The following DGCR2 variants were observed in gnomAD, a reference collection of about 807,000 sequenced individuals.
DGCR2 encodes the protein integral membrane protein DGCR2/IDD.
In DGCR2, 24 loss-of-function variants were observed where a neutral mutation model predicts 51.6. That is an observed-to-expected ratio of 0.47 (90% CI 0.34 to 0.65). The LOEUF (loss-of-function observed/expected upper bound fraction) is 0.65, where lower values mean the gene tolerates loss of function less well. Ranked by LOEUF, DGCR2 falls within the 30% of genes least tolerant of loss-of-function variation. DGCR2 has a pLI of 0.01. For synonymous variants in DGCR2, 340 were observed against 315.4 expected (o/e 1.08, Z -0.82); for missense variants, 765 against 772.1 (o/e 0.99, Z 0.11).
At chr22:19,077,906 G>A (rs932834713) in intron 2 of DGCR2, among the ~76,000 whole-genome samples, 8 of 150,554 alleles carry the variant, frequency 5.3e-5, no homozygotes, top group Admixed American at 5.3e-4. Context: ...TCAGCTTACT[G>A]CAATCTTCAC....
rs532310515 is a variant in DGCR2, at chr22:19,045,574, C to T, written c.1006+2866G>A. ...TACTTTGGCTATTTTAATTATTTTG[C>T]CTTTCCACCAACTTTTATCTACCTT... On this transcript the variant is annotated intron_variant, in intron 7 of 9. Transcript: ENST00000263196. Among the ~76,000 whole-genome samples the T allele has an allele frequency of 2.6e-5, 4 of 152,264 alleles. No individual in the cohort carries two copies. The East Asian group carries it at 7.7e-4, about 29-fold the overall frequency.
At chr22:19,076,461 G>C (rs970046576) in intron 2 of DGCR2, among the ~76,000 whole-genome samples, 2 of 151,772 alleles carry the variant, frequency 1.3e-5, no homozygotes, top group African/African-American at 4.8e-5. Flanking sequence ...CACCGCGCCC[G>C]GCAGGTAATT....
intron 1 of DGCR2, among the ~76,000 whole-genome samples, chr22:19,109,104 C>A (rs944971009): frequency 6.6e-6 from 1 of 152,046 alleles, no homozygotes; most frequent in Admixed American, 6.6e-5. Flanking sequence ...TATCACCTCA[C>A]CCATTAGGAT....
At chr22:19,101,172 A>C (rs549278776) in intron 1 of DGCR2, among the ~76,000 whole-genome samples, 1 of 152,280 alleles carries the variant, frequency 6.6e-6, no homozygotes, top group African/African-American at 2.4e-5. Context: ...AAAGGTTTTA[A>C]CCTTTTAATA....
intron 1 of DGCR2, among the ~76,000 whole-genome samples, chr22:19,099,636 G>A (rs1273582555): frequency 6.6e-6 from 1 of 152,052 alleles, no homozygotes; most frequent in African/African-American, 2.4e-5. Context: ...TCTCTGTAAA[G>A]CAGTAAGTGC....
intron 1 of DGCR2, among the ~76,000 whole-genome samples, chr22:19,095,713 T>A (rs1427227640): frequency 6.8e-6 from 1 of 147,774 alleles, no homozygotes; most frequent in Admixed American, 6.8e-5. Flanking sequence ...TCATTTATTA[T>A]AAGTCAATTA....
intron 5 of DGCR2, among the ~76,000 whole-genome samples, chr22:19,062,783 T>TCTCTCTCTCTCTCTCTC (rs2082690238): frequency 7.2e-6 from 1 of 139,456 alleles, no homozygotes; most frequent in Non-Finnish European, 1.6e-5. Context: ...ATGCTCACTC[T>TCTCTCTCTCTCTCTCTC]CTCTCTCTCT....
chr22:19,040,382 G>C (rs1017774574), intron 9 of DGCR2, among the ~76,000 whole-genome samples: 1 of 152,242 alleles, frequency 6.6e-6, no homozygotes, highest in Non-Finnish European at 1.5e-5. Context: ...CAGCCACTTT[G>C]GGGTGGCACT....
chr22:19,092,319 G>T (rs745377929), intron 1 of DGCR2, among the ~76,000 whole-genome samples: 1 of 150,712 alleles, frequency 6.6e-6, no homozygotes, highest in Non-Finnish European at 1.5e-5. Flanking sequence ...ACTGCAGCCT[G>T]GGCGACAGAA....
chr22:19,100,476 T>A (rs900350933), intron 1 of DGCR2, among the ~76,000 whole-genome samples: 1 of 151,656 alleles, frequency 6.6e-6, no homozygotes. Flanking sequence ...CCATCCTGGC[T>A]AACATGGTGA....
intron 1 of DGCR2, among the ~76,000 whole-genome samples, chr22:19,106,536 G>A (rs1006114276): frequency 2.0e-5 from 3 of 152,204 alleles, no homozygotes; most frequent in Non-Finnish European, 2.9e-5. Flanking sequence ...AAGGAGCCCA[G>A]AGGCCAGCCG....
At chr22:19,104,766 C>T (rs189215836) in intron 1 of DGCR2, among the ~76,000 whole-genome samples, 1 of 152,372 alleles carries the variant, frequency 6.6e-6, no homozygotes, top group African/African-American at 2.4e-5. Flanking sequence ...AGCCTTACTG[C>T]ACATTCTGTC....
intron 1 of DGCR2, chr22:19,121,481 G>C (rs1294273797): frequency 6.6e-6 from 1 of 152,242 alleles, no homozygotes; most frequent in Admixed American, 6.5e-5. Flanking sequence ...CCACGGTTCT[G>C]ATTCCCCACC....
chr22:19,063,075 G>A (rs1244896777), intron 5 of DGCR2, 127 bp downstream of exon 5: 2 of 731,272 alleles, frequency 2.7e-6, no homozygotes, highest in Non-Finnish European at 4.4e-6. Flanking sequence ...CTGCAACTGG[G>A]GCTCACCCAC....
At chr22:19,077,694 AGG>A (rs1202335176) in intron 2 of DGCR2, among the ~76,000 whole-genome samples, 21 of 152,320 alleles carry the variant, frequency 1.4e-4, no homozygotes, top group Admixed American at 4.6e-4. Flanking sequence ...TATGAACATT[AGG>A]ATAAATTTTT....
chr22:19,081,784 T>C (rs2082939063), intron 2 of DGCR2, among the ~76,000 whole-genome samples: 1 of 152,338 alleles, frequency 6.6e-6, no homozygotes, highest in African/African-American at 2.4e-5. Context: ...GCACATAAAA[T>C]TTCCACACTA....
At chr22:19,068,251 G>C (rs2082773151) in intron 2 of DGCR2, 26 bp from the exon 3 acceptor site, 1 of 1,568,954 alleles carries the variant, frequency 6.4e-7, no homozygotes, top group East Asian at 2.3e-5. Flanking sequence ...GATGTGTGCT[G>C]TGAGTCCTGC....
At chr22:19,092,998 G>T (rs2083096631) in intron 1 of DGCR2, among the ~76,000 whole-genome samples, 2 of 147,616 alleles carry the variant, frequency 1.4e-5, no homozygotes, top group Admixed American at 6.8e-5. Context: ...AAGAAGAGAA[G>T]AAGGAGGAGG....
intron 5 of DGCR2, among the ~76,000 whole-genome samples, 182 bp downstream of exon 5, chr22:19,063,020 G>C (rs1384599004): frequency 6.6e-6 from 1 of 152,138 alleles, no homozygotes; most frequent in African/African-American, 2.4e-5. Context: ...GCCCAATGCA[G>C]GGCCTGATCT....
Sources: allele counts gnomAD v4.1 joint callset (sites outside exome capture counted in the v4.1 genomes callset), GRCh38; gene constraint gnomAD v4.1.1; transcripts MANE v1.5; gene names NCBI Gene and HGNC (gene_info 2026-07-23, HGNC 2026-07-21).